The following UNC13C variants were observed in gnomAD, a reference collection of about 807,000 sequenced individuals.
UNC13C encodes unc-13 homolog C, also known as protein unc-13 homolog C.
A neutral mutation model predicts 245.4 loss-of-function variants in UNC13C; 174 were observed. That is an observed-to-expected ratio of 0.71 (90% CI 0.63 to 0.80). The LOEUF is 0.80. Among genes scored for constraint, UNC13C ranks in the 30% least tolerant of loss-of-function variants. UNC13C has a pLI of 0.00. For missense variants in UNC13C, 2,829 were observed against 2,602.9 expected (o/e 1.09, Z -1.89); for synonymous variants, 992 against 895.1 (o/e 1.11, Z -1.93).
At chr15:53,997,693 A>G (rs937834575) in intron 1 of UNC13C, among the ~76,000 whole-genome samples, 52 of 149,540 alleles carry the variant, frequency 3.5e-4, no homozygotes, top group African/African-American at 1.3e-3. Context: ...ACTTTCTTCT[A>G]TTCCAATTAT....
chr15:54,425,861 T>C (rs2040748828), intron 19 of UNC13C, among the ~76,000 whole-genome samples: 1 of 151,834 alleles, frequency 6.6e-6, no homozygotes, highest in Non-Finnish European at 1.5e-5. Flanking sequence ...GTGGGTTTCA[T>C]TGGGTTAAAT....
the UNC13C span, among the ~76,000 whole-genome samples, chr15:53,851,490 A>G: frequency 6.6e-6 from 1 of 152,128 alleles, no homozygotes; most frequent in Non-Finnish European, 1.5e-5. Context: ...CATAACTCTC[A>G]TAGCCCCTGT....
At chr15:54,254,794 G>A (rs1174415976) in intron 8 of UNC13C, among the ~76,000 whole-genome samples, 1 of 152,160 alleles carries the variant, frequency 6.6e-6, no homozygotes. Flanking sequence ...GAAAAGGAAA[G>A]TTACTGCATT....
intron 22 of UNC13C, among the ~76,000 whole-genome samples, chr15:54,502,069 A>C (rs1044595667): frequency 2.0e-5 from 3 of 152,200 alleles, no homozygotes; most frequent in African/African-American, 7.2e-5. Flanking sequence ...AACTACTTAC[A>C]CAGTTCTATG....
chr15:54,578,767 G>C (rs919989087), intron 30 of UNC13C, among the ~76,000 whole-genome samples: 9 of 152,170 alleles, frequency 5.9e-5, no homozygotes. Context: ...GGTGAAAACT[G>C]CTTGAGCAGG....
intron 2 of UNC13C, among the ~76,000 whole-genome samples, chr15:54,027,021 G>T (rs1413363971): frequency 6.6e-6 from 1 of 152,092 alleles, no homozygotes; most frequent in Non-Finnish European, 1.5e-5. Flanking sequence ...GTTACAGAAG[G>T]CTTCCCTAAG....
chr15:54,594,223 G>A (rs1295855595), intron 30 of UNC13C, among the ~76,000 whole-genome samples: 3 of 152,178 alleles, frequency 2.0e-5, no homozygotes, highest in Non-Finnish European at 4.4e-5. Flanking sequence ...TGTTCCAGTG[G>A]AGGTGCCAGA....
chr15:53,946,579 G>A, the UNC13C span, among the ~76,000 whole-genome samples: 1 of 151,208 alleles, frequency 6.6e-6, no homozygotes, highest in Non-Finnish European at 1.5e-5. Context: ...AAATTAGCTG[G>A]ACACAGTGGC....
intron 30 of UNC13C, among the ~76,000 whole-genome samples, chr15:54,571,776 C>T (rs959706004): frequency 6.6e-6 from 1 of 152,106 alleles, no homozygotes; most frequent in Non-Finnish European, 1.5e-5. Flanking sequence ...AGGGTTAATG[C>T]CTCAGGGAGC....
At chr15:54,138,371 TTACTGAAGTTTAA>T (rs2031839598) in intron 2 of UNC13C, among the ~76,000 whole-genome samples, 1 of 152,114 alleles carries the variant, frequency 6.6e-6, no homozygotes, top group South Asian at 2.1e-4. Context: ...TATTAACCTA[TTACTGAAGTTTAA>T]TAACATTATG....
chr15:54,469,961 T>A (rs1200322875), intron 19 of UNC13C, among the ~76,000 whole-genome samples: 11 of 151,600 alleles, frequency 7.3e-5, no homozygotes, highest in Admixed American at 7.2e-4. Flanking sequence ...TGGTATGTTT[T>A]ATCATAAAGT....
At chr15:54,296,020 G>A (rs377054409) in intron 11 of UNC13C, among the ~76,000 whole-genome samples, 4 of 152,092 alleles carry the variant, frequency 2.6e-5, no homozygotes, top group African/African-American at 9.7e-5. Context: ...CACAAAGGAA[G>A]TTTTGACTGA....
chr15:53,894,845 G>A, the UNC13C span, among the ~76,000 whole-genome samples: 2 of 152,026 alleles, frequency 1.3e-5, no homozygotes, highest in East Asian at 1.9e-4. Flanking sequence ...AGAGATTAGT[G>A]TAAATTATTG....
intron 30 of UNC13C, among the ~76,000 whole-genome samples, chr15:54,589,842 G>A (rs1201904991): frequency 1.3e-5 from 2 of 152,006 alleles, no homozygotes. Context: ...CATTGTAATT[G>A]CTTTTGAGTT....
chr15:53,966,050 C>T, the UNC13C span, among the ~76,000 whole-genome samples: 45 of 152,166 alleles, frequency 3.0e-4, no homozygotes, highest in African/African-American at 1.0e-3. Context: ...TAGGTTTCCC[C>T]GTGTCTCTCA....
chr15:54,311,539 A>G (rs982217686), intron 13 of UNC13C, among the ~76,000 whole-genome samples: 1 of 151,696 alleles, frequency 6.6e-6, no homozygotes, highest in Non-Finnish European at 1.5e-5. Context: ...GGTTTTTCTT[A>G]TTAGCCTTTT....
chr15:54,212,006 T>A (rs1400559548), intron 4 of UNC13C, among the ~76,000 whole-genome samples: 1 of 152,104 alleles, frequency 6.6e-6, no homozygotes, highest in Non-Finnish European at 1.5e-5. Context: ...GGGTCCTAAT[T>A]GTCAGTAGCT....
intron 1 of UNC13C, among the ~76,000 whole-genome samples, chr15:54,002,829 C>T (rs1390206907): frequency 6.6e-6 from 1 of 152,140 alleles, no homozygotes; most frequent in Non-Finnish European, 1.5e-5. Flanking sequence ...ATTGCCCTAT[C>T]AAAGAATGTT....
intron 2 of UNC13C, among the ~76,000 whole-genome samples, chr15:54,110,743 A>C (rs1388939767): frequency 6.6e-6 from 1 of 152,150 alleles, no homozygotes; most frequent in Non-Finnish European, 1.5e-5. Flanking sequence ...CTTTGGTACC[A>C]AATATAATTT....
Sources: allele counts gnomAD v4.1 joint callset (sites outside exome capture counted in the v4.1 genomes callset), GRCh38; gene constraint gnomAD v4.1.1; transcripts MANE v1.5; gene names NCBI Gene and HGNC (gene_info 2026-07-23, HGNC 2026-07-21).